NUP155: variants seen among roughly 807,000 people sequenced by gnomAD.
NUP155 encodes nuclear pore complex protein Nup155.
NUP155 carries 71 observed loss-of-function variants against 180.4 expected under a neutral mutation model. That is an observed-to-expected ratio of 0.39 (90% CI 0.33 to 0.48). The LOEUF is 0.48. Ranked by LOEUF, NUP155 falls within the 20% of genes least tolerant of loss-of-function variation. The probability of loss-of-function intolerance (pLI) is 0.91; values close to 1 mark genes in which losing one functional copy is unlikely to be tolerated. For synonymous variants in NUP155, 582 were observed against 559.5 expected, an observed-to-expected ratio of 1.04 and a Z score of -0.57; for missense variants, 1,553 against 1,648.9, an observed-to-expected ratio of 0.94 and a Z score of 1.01.
At chr5:37,310,011 T>A (rs886385508) in intron 23 of NUP155, among the ~76,000 whole-genome samples, 1 of 151,312 alleles carries the variant, frequency 6.6e-6, no homozygotes, top group Non-Finnish European at 1.5e-5. Context: ...TCGTACTCAG[T>A]CTTAAAAAAA....
chr5:37,367,558 A>G (rs1319970660), intron 1 of NUP155, among the ~76,000 whole-genome samples: 4 of 132,546 alleles, frequency 3.0e-5, no homozygotes, highest in South Asian at 2.4e-4. Flanking sequence ...TTTGAGACGG[A>G]GTCTCACTCT....
At chr5:37,311,124 T>C (rs1743498361) in intron 22 of NUP155, among the ~76,000 whole-genome samples, 2 of 152,318 alleles carry the variant, frequency 1.3e-5, no homozygotes, top group Middle Eastern at 6.8e-3. Context: ...TTCTAGGCCT[T>C]ATAATAATAT....
At chr5:37,323,280 G>A (rs983136792) in intron 20 of NUP155, among the ~76,000 whole-genome samples, 5 of 152,094 alleles carry the variant, frequency 3.3e-5, no homozygotes, top group Non-Finnish European at 7.4e-5. Flanking sequence ...GCAAGAGTCC[G>A]TCTAAACACA....
At chr5:37,343,951 C>G (rs531838425) in intron 9 of NUP155, among the ~76,000 whole-genome samples, 1 of 152,108 alleles carries the variant, frequency 6.6e-6, no homozygotes, top group South Asian at 2.1e-4. Flanking sequence ...TTAAAATCAC[C>G]TCAATGAAGC....
Position 37,314,671 on chromosome 5 carries a change from A to C in NUP155, c.2306-343T>G, listed in dbSNP as rs1743769462. ...GCTAACACGGTAAAACTCGGTCTCTACTAAAAACATAAAAAATTAGCTGGT... is the reference window on the plus strand; with the variant it reads ...GCTAACACGGTAAAACTCGGTCTCTCCTAAAAACATAAAAAATTAGCTGGT... On this transcript the variant is annotated intron_variant, in intron 21 of 34. Coordinates refer to ENST00000231498, the MANE Select transcript of NUP155 (RefSeq NM_153485.3). Among the ~76,000 whole-genome samples the C allele has an allele frequency of 2.0e-5, 3 of 152,012 alleles. No individual in the cohort carries two copies. The South Asian group carries it at 6.2e-4, about 32-fold the overall frequency.
chr5:37,370,629 AG>A (rs2111783164), intron 1 of NUP155, 191 bp downstream of exon 1: 1 of 1,511,754 alleles, frequency 6.6e-7, no homozygotes, highest in African/African-American at 1.4e-5. Flanking sequence ...TGCCCTCTCA[AG>A]TATCTACAAT....
Position 37,299,581 on chromosome 5 carries a change from A to G in NUP155, c.3562-13T>C. On this transcript the variant is annotated splice_polypyrimidine_tract_variant and intron_variant, in intron 30 of 34. Transcript: ENST00000231498. ...ATTCCCCATAAAGCTGTGAGAGAAA[A>G]TCCCAAAATTAACATCCAACTAGAG... is the stretch of plus-strand genomic sequence containing the variant. 6.2e-7 allele frequency: 1 copy of G among 1,613,776 alleles called. No homozygotes were observed. The highest frequency in any genetic ancestry group is 1.3e-5 in the African/African-American group (1 of 75,042).
chr5:37,340,244 G>A (rs1185026814), intron 11 of NUP155, among the ~76,000 whole-genome samples: 2 of 151,898 alleles, frequency 1.3e-5, no homozygotes, highest in African/African-American at 2.4e-5. Context: ...AGTTTGAGAC[G>A]AGCCTAGGCA....
intron 11 of NUP155, among the ~76,000 whole-genome samples, chr5:37,338,496 T>C (rs1468247773): frequency 6.8e-6 from 1 of 147,500 alleles, no homozygotes; most frequent in Non-Finnish European, 1.5e-5. Context: ...AAGCTCCGCC[T>C]CCTGGGTTCA....
At chr5:37,370,650 G>C in intron 1 of NUP155, 171 bp downstream of exon 1, 1 of 1,572,946 alleles carries the variant, frequency 6.4e-7, no homozygotes. Context: ...TGAAGAAAGT[G>C]AGGAAAGGAA....
intron 20 of NUP155, among the ~76,000 whole-genome samples, 170 bp downstream of exon 20, chr5:37,323,822 T>A (rs1744405790): frequency 6.6e-6 from 1 of 152,060 alleles, no homozygotes; most frequent in Admixed American, 6.6e-5. Context: ...ATTGCTGTGA[T>A]GAAAATGTTC....
At chr5:37,370,706 A>AT in intron 1 of NUP155, 115 bp downstream of exon 1, 2 of 1,610,894 alleles carry the variant, frequency 1.2e-6, no homozygotes, top group South Asian at 1.1e-5. Context: ...AATGCAGCCA[A>AT]CAGTGCCATA....
Position 37,371,044 on chromosome 5 carries a change from A to G in NUP155, c.-67T>C. 1 of 1,570,312 alleles carries G rather than the reference A, an allele frequency of 6.4e-7. No homozygotes were observed. Among genetic ancestry groups the G allele is most frequent in the Non-Finnish European group, 8.7e-7 (1 of 1,147,882 alleles). ...CCAAGGAGAAACAAGAAAAGATCCA[A>G]GAAGTTAGCTTAGATCCGCCGCCTA... On this transcript the variant is annotated 5_prime_UTR_variant, in exon 1 of 35. Coordinates refer to ENST00000231498, the MANE Select transcript of NUP155 (RefSeq NM_153485.3).
chr5:37,361,397 A>C (rs1747214725), intron 3 of NUP155, among the ~76,000 whole-genome samples: 1 of 152,160 alleles, frequency 6.6e-6, no homozygotes, highest in Non-Finnish European at 1.5e-5. Flanking sequence ...AGCTCAGAGA[A>C]CAAGAAGCAG....
intron 5 of NUP155, 27 bp from the exon 6 acceptor site, chr5:37,351,383 G>C: frequency 1.3e-6 from 2 of 1,493,306 alleles, no homozygotes; most frequent in East Asian, 4.5e-5. Context: ...ACATAAATCA[G>C]TTTATTAGCT....
At position 37,367,178 on chromosome 5, in the gene NUP155, AG is replaced by A. The variant is rs1408349449; in HGVS notation, c.158-2795del. On this transcript the variant is annotated intron_variant, in intron 1 of 34. Transcript: ENST00000231498. ...TTCCACCACAGCCTCGTGAGTAGCT[AG>A]GACTACAGTGTCATGACACCATGCC... Among the ~76,000 whole-genome samples, 5 of 151,876 alleles carry A rather than the reference AG, an allele frequency of 3.3e-5. No individual in the cohort carries two copies. The East Asian group carries it at 9.8e-4, about 30-fold the overall frequency.
At chr5:37,338,376 C>G (rs1037507632) in intron 11 of NUP155, among the ~76,000 whole-genome samples, 3 of 148,860 alleles carry the variant, frequency 2.0e-5, no homozygotes, top group Non-Finnish European at 4.5e-5. Context: ...CAACTTAAAA[C>G]TAGCATATAT....
rs1742194758 is a variant in NUP155 at position 37,290,643 on chromosome 5, G to A, written c.*1257C>T. 6.6e-6 allele frequency: 1 copy of A among 152,168 alleles called. No individual in the cohort carries two copies. Among genetic ancestry groups the A allele is most frequent in the African/African-American group, 2.4e-5 (1 of 41,428 alleles). 9.4% of individuals were successfully genotyped at this position (152,168 alleles called of 1,614,324 possible). A position where few individuals can be genotyped will look rare whatever the true frequency, so the allele number is the denominator to read the frequency against. On this transcript the variant is annotated 3_prime_UTR_variant, in exon 35 of 35. Coordinates refer to ENST00000231498, the MANE Select transcript of NUP155 (RefSeq NM_153485.3). ...TACTAACAGTTTTGCTTTATATATT[G>A]TGTGCCTTGGGCAAAATTTGTGTGT...
At chr5:37,299,959 C>T (rs1164335689) in intron 30 of NUP155, among the ~76,000 whole-genome samples, 1 of 149,482 alleles carries the variant, frequency 6.7e-6, no homozygotes, top group Non-Finnish European at 1.5e-5. Flanking sequence ...GTGGAGGTTG[C>T]AGTCAGCTGA....
Sources: gnomAD v4.1 joint callset for allele counts (sites outside exome capture counted in the v4.1 genomes callset) on GRCh38, gnomAD v4.1.1 for gene constraint, MANE v1.5 for transcripts, NCBI Gene and HGNC (gene_info 2026-07-23, HGNC 2026-07-21) for gene names.